Variants in SLC2A9 observed in about 807,000 individuals in gnomAD.
SLC2A9 encodes solute carrier family 2, facilitated glucose transporter member 9.
SLC2A9 carries 39 observed loss-of-function variants against 50.6 expected under a neutral mutation model. That is an observed-to-expected ratio of 0.77 (90% confidence interval 0.60 to 1.01). The LOEUF is 1.01. SLC2A9 is among the 50% of genes least tolerant of loss of function. The pLI, the probability that SLC2A9 is intolerant of heterozygous loss-of-function variation, is 0.00. For synonymous variants in SLC2A9, 324 were observed against 276.9 expected, an observed-to-expected ratio of 1.17 and a Z score of -1.69; for missense variants, 686 against 677.6, an observed-to-expected ratio of 1.01 and a Z score of -0.14.
At chr4:9,954,553 G>T (rs1184557938) in intron 5 of SLC2A9, among the ~76,000 whole-genome samples, 1 of 152,222 alleles carries the variant, frequency 6.6e-6, no homozygotes, top group African/African-American at 2.4e-5. Flanking sequence ...TACATGCAGG[G>T]GGTGAGACCT....
intron 8 of SLC2A9, among the ~76,000 whole-genome samples, chr4:9,906,261 C>T (rs528968992): frequency 6.6e-6 from 1 of 152,238 alleles, no homozygotes; most frequent in African/African-American, 2.4e-5. Context: ...GGACTGGAAC[C>T]CAGAAAGCAT....
At chr4:9,773,739 G>A (rs371121972) in intron 1 of SLC2A9, among the ~76,000 whole-genome samples, 11 of 152,266 alleles carry the variant, frequency 7.2e-5, no homozygotes, top group East Asian at 3.9e-4. Flanking sequence ...ACAAGTCAAC[G>A]TCAGAGAGAG....
intron 5 of SLC2A9, among the ~76,000 whole-genome samples, chr4:9,944,187 T>C (rs1458796297): frequency 6.6e-6 from 1 of 152,164 alleles, no homozygotes; most frequent in Non-Finnish European, 1.5e-5. Context: ...GGTCAGGGGA[T>C]GCCGGAGATG....
Position 10,019,038 on chromosome 4 carries a change from C to G in SLC2A9, c.186G>C (p.Ala62=). Residue 62 remains alanine, a synonymous_variant, in exon 2 of 12, where the codon GCG becomes GCC. Coordinates refer to ENST00000264784, the MANE Select transcript of SLC2A9 (RefSeq NM_020041.3). The stretch of plus-strand genomic sequence containing the variant: ...AGAGGAAGGAGGAGCCGAAGGCGCC[C>G]GCGAGGGAGGCCACGAGGAGCGAGC... ...WSCSLLVASL[A]GAFGSSFLYG... 1.3e-6 allele frequency: 2 copies of G among 1,550,952 alleles called. No individual in the cohort carries two copies. The highest frequency in any genetic ancestry group is 1.2e-5 in the South Asian group (1 of 84,032).
At chr4:9,874,059 C>T (rs1325318139) in intron 10 of SLC2A9, among the ~76,000 whole-genome samples, 3 of 152,130 alleles carry the variant, frequency 2.0e-5, no homozygotes, top group Admixed American at 1.3e-4. Context: ...GATGATCTGG[C>T]CACCACTTTC....
Position 9,890,605 on chromosome 4 carries a change from C to T in SLC2A9, c.1215+5G>A. ...CCCTCAAATGTGACAAGAACATCGT[C>T]TCACCTGCAGGGTCAGCGTGATGGT... On this transcript the variant is annotated splice_donor_5th_base_variant and intron_variant, in intron 9 of 11. Coordinates refer to ENST00000264784, the MANE Select transcript of SLC2A9 (RefSeq NM_020041.3). The T allele has an allele frequency of 1.9e-6, 3 of 1,613,924 alleles. No homozygotes were observed. The Middle Eastern group carries it at 5.0e-4, about 266-fold the overall frequency.
chr4:9,811,258 C>G (rs997074160), intron 3 of SLC2A9, among the ~76,000 whole-genome samples: 1 of 152,180 alleles, frequency 6.6e-6, no homozygotes, highest in Non-Finnish European at 1.5e-5. Context: ...CCTGCATGCC[C>G]CTTTGGGATG....
chr4:9,934,219 C>T (rs1232770336), intron 6 of SLC2A9, among the ~76,000 whole-genome samples: 1 of 152,170 alleles, frequency 6.6e-6, no homozygotes, highest in African/African-American at 2.4e-5. Flanking sequence ...AATCAAATCC[C>T]CTCTTTGTAC....
chr4:9,794,134 C>A (rs112577718), downstream of SLC2A9, among the ~76,000 whole-genome samples: 1 of 151,616 alleles, frequency 6.6e-6, no homozygotes, highest in African/African-American at 2.4e-5. Context: ...TTGTGCAGAG[C>A]GATCTCATTA....
intron 8 of SLC2A9, among the ~76,000 whole-genome samples, chr4:9,896,191 G>A (rs1397048911): frequency 6.6e-6 from 1 of 152,176 alleles, no homozygotes; most frequent in African/African-American, 2.4e-5. Context: ...TTATCTGAAG[G>A]GGTTGTGCCA....
chr4:9,815,313 A>G (rs1336718835), intron 3 of SLC2A9, among the ~76,000 whole-genome samples: 1 of 152,210 alleles, frequency 6.6e-6, no homozygotes, highest in Non-Finnish European at 1.5e-5. Context: ...TGTCTAAAGA[A>G]TTGGGCTGAC....
chr4:9,980,663 C>T lies in SLC2A9; in HGVS notation c.610G>A (p.Val204Met), dbSNP rs148746651. 17 of 1,614,040 alleles carry T rather than the reference C, an allele frequency of 1.1e-5. No individual in the cohort carries two copies. In the African/African-American group the frequency reaches 1.7e-4, roughly 16 times the overall value. Residue 204 changes from valine (V) to methionine (M), a missense_variant, in exon 5 of 12, where the codon GTG becomes ATG. Val to Met is a conservative substitution (Grantham distance 21). Coordinates refer to ENST00000264784, the MANE Select transcript of SLC2A9 (RefSeq NM_020041.3). ...CCAATGCAGATAAAGATGGCAGTCA[C>T]CTGCCCCAGAGAGCCACGGATCTCC... ...PKEIRGSLGQ[V>M]TAIFICIGVF...
chr4:9,779,005 A>G (rs1451250476), downstream of SLC2A9, among the ~76,000 whole-genome samples: 1 of 152,000 alleles, frequency 6.6e-6, no homozygotes, highest in Non-Finnish European at 1.5e-5. Context: ...TGACTTCATG[A>G]TCTACTTGCC....
At chr4:9,925,689 T>C (rs1744763645) in intron 6 of SLC2A9, among the ~76,000 whole-genome samples, 1 of 152,200 alleles carries the variant, frequency 6.6e-6, no homozygotes, top group Non-Finnish European at 1.5e-5. Flanking sequence ...TGTTGAGCCT[T>C]GCATAGAATG....
At chr4:9,790,432 A>G (rs573552281) in intron 3 of SLC2A9, among the ~76,000 whole-genome samples, 39 of 152,290 alleles carry the variant, frequency 2.6e-4, no homozygotes, top group African/African-American at 8.7e-4. Context: ...TTGGGAAAGC[A>G]TGCCCAGTAT....
At chr4:9,979,531 C>T (rs1413032317) in intron 5 of SLC2A9, among the ~76,000 whole-genome samples, 1 of 152,006 alleles carries the variant, frequency 6.6e-6, no homozygotes, top group African/African-American at 2.4e-5. Context: ...TGGGAGGAAT[C>T]CTAGCAAGTC....
At chr4:9,899,504 G>C (rs1393306013) in intron 8 of SLC2A9, among the ~76,000 whole-genome samples, 2 of 152,202 alleles carry the variant, frequency 1.3e-5, no homozygotes, top group Non-Finnish European at 2.9e-5. Flanking sequence ...TGTGGTTATT[G>C]CAAGTTAGTG....
chr4:10,022,338 G>T (rs762152103), upstream of SLC2A9, among the ~76,000 whole-genome samples: 5 of 152,252 alleles, frequency 3.3e-5, no homozygotes, highest in Non-Finnish European at 7.3e-5. Flanking sequence ...GAACAAAGGC[G>T]AGGGCTGTGG....
intron 7 of SLC2A9, among the ~76,000 whole-genome samples, chr4:9,915,075 T>C (rs1038853924): frequency 1.3e-5 from 2 of 152,094 alleles, no homozygotes; most frequent in African/African-American, 4.8e-5. Flanking sequence ...CTGACATGAG[T>C]GATTGAGGCT....
Sources: allele counts gnomAD v4.1 joint callset (sites outside exome capture counted in the v4.1 genomes callset), GRCh38; gene constraint gnomAD v4.1.1; transcripts MANE v1.5; gene names NCBI Gene and HGNC (gene_info 2026-07-23, HGNC 2026-07-21).